PCSK2: variants seen among roughly 807,000 people sequenced by gnomAD.
PCSK2 encodes proprotein convertase subtilisin/kexin type 2.
Under a neutral mutation model 69.7 loss-of-function variants are expected in PCSK2, and 14 were observed. The ratio of observed to expected loss-of-function variants is 0.20; its 90% CI spans 0.13 to 0.31. The LOEUF (loss-of-function observed/expected upper bound fraction) is 0.31. PCSK2 is among the 10% of genes least tolerant of loss of function. The pLI is 1.00. For synonymous variants in PCSK2, 307 were observed against 320.7 expected, an observed-to-expected ratio of 0.96 and a Z score of 0.46; for missense variants, 544 against 842.5, an observed-to-expected ratio of 0.65 and a Z score of 4.39.
intron 11 of PCSK2, among the ~76,000 whole-genome samples, chr20:17,473,927 CG>C (rs2033247311): frequency 6.6e-6 from 1 of 152,140 alleles, no homozygotes; most frequent in Non-Finnish European, 1.5e-5. Flanking sequence ...AGGGCAGGAT[CG>C]GGGCGTTTTT....
chr20:17,268,096 A>C (rs1987704715), intron 2 of PCSK2, among the ~76,000 whole-genome samples: 1 of 143,856 alleles, frequency 7.0e-6, no homozygotes, highest in African/African-American at 2.5e-5. Flanking sequence ...ATATCTTCTA[A>C]AAATGATTAT....
At chr20:17,234,767 A>C (rs1161630440) in intron 1 of PCSK2, among the ~76,000 whole-genome samples, 1 of 152,216 alleles carries the variant, frequency 6.6e-6, no homozygotes, top group Non-Finnish European at 1.5e-5. Context: ...GTGATGCTAT[A>C]GTTAGGTTCA....
intron 2 of PCSK2, among the ~76,000 whole-genome samples, chr20:17,345,260 C>T (rs1002772246): frequency 2.6e-5 from 4 of 152,182 alleles, no homozygotes; most frequent in East Asian, 1.9e-4. Context: ...TCCACTCTGA[C>T]GATGAAATGA....
intron 5 of PCSK2, 27 bp downstream of exon 5, chr20:17,369,304 A>G: frequency 6.3e-7 from 1 of 1,598,418 alleles, no homozygotes; most frequent in Non-Finnish European, 8.6e-7. Flanking sequence ...TTTGGTGGGG[A>G]AACAGATGCA....
intron 6 of PCSK2, among the ~76,000 whole-genome samples, chr20:17,411,921 GC>G (rs764829661): frequency 6.6e-6 from 1 of 152,092 alleles, no homozygotes; most frequent in Non-Finnish European, 1.5e-5. Flanking sequence ...GCCTCCAACA[GC>G]CTGCAGCTGA....
intron 11 of PCSK2, among the ~76,000 whole-genome samples, chr20:17,478,933 A>G (rs555767198): frequency 3.3e-5 from 5 of 152,240 alleles, no homozygotes; most frequent in Non-Finnish European, 7.3e-5. Context: ...GCCAATTGCT[A>G]TGATATTGCT....
chr20:17,439,035 A>G (rs1353098641), intron 8 of PCSK2, among the ~76,000 whole-genome samples: 2 of 152,166 alleles, frequency 1.3e-5, no homozygotes, highest in Non-Finnish European at 2.9e-5. Context: ...CACTGCCTCA[A>G]AATTTACCCC....
At chr20:17,265,336 A>G (rs1987556451) in intron 2 of PCSK2, among the ~76,000 whole-genome samples, 2 of 152,196 alleles carry the variant, frequency 1.3e-5, no homozygotes, top group Non-Finnish European at 2.9e-5. Context: ...TAAGGGATTT[A>G]TACCCAAAGA....
chr20:17,256,188 C>A (rs1313159629), intron 1 of PCSK2, among the ~76,000 whole-genome samples: 2 of 152,034 alleles, frequency 1.3e-5, no homozygotes, highest in African/African-American at 4.8e-5. Context: ...CTTTTTAGCT[C>A]CAGAATTTCT....
At chr20:17,271,203 C>T (rs1987853322) in intron 2 of PCSK2, among the ~76,000 whole-genome samples, 1 of 151,590 alleles carries the variant, frequency 6.6e-6, no homozygotes, top group Non-Finnish European at 1.5e-5. Flanking sequence ...ATTTCAAATC[C>T]TGTACTGTTC....
In PCSK2 at chr20:17,483,822, C is replaced by A. The variant is rs565274131; in HGVS notation, c.*1752C>A. 1 of 152,596 alleles carries A rather than the reference C, an allele frequency of 6.6e-6. No individual in the cohort carries two copies. The highest frequency in any genetic ancestry group is 1.9e-4 in the East Asian group (1 of 5,184). The allele number at this position is 152,596 out of a possible 1,614,324, so 9.5% of individuals were successfully genotyped here. The stretch of plus-strand genomic sequence containing the variant: ...TCAAGAAAAAATAAATGGAAATCAT[C>A]GAAAATTCATTTCACATTAATGGTC... On this transcript the variant is annotated 3_prime_UTR_variant, in exon 12 of 12. Transcript: ENST00000262545.
At chr20:17,392,481 A>G (rs1424066531) in intron 5 of PCSK2, among the ~76,000 whole-genome samples, 1 of 152,228 alleles carries the variant, frequency 6.6e-6, no homozygotes, top group African/African-American at 2.4e-5. Context: ...TTTTATTTAC[A>G]GGAAGTACAA....
rs1720482025 is a variant in PCSK2, at chr20:17,298,588, A to AT, written c.282+38245dup. Among the ~76,000 whole-genome samples the AT allele has an allele frequency of 2.0e-5, 3 of 152,224 alleles. 1 individual carries two copies. The South Asian group carries it at 6.2e-4, about 32-fold the overall frequency. On this transcript the variant is annotated intron_variant, in intron 2 of 11. Transcript: ENST00000262545. ...TGGCTCTTATGATAATTGTAAGTTAATATTACTCATTGTATTTAAATTATT... is the reference window on the plus strand; with the variant it reads ...TGGCTCTTATGATAATTGTAAGTTAATTATTACTCATTGTATTTAAATTATT...
At chr20:17,229,622 C>A (rs1413861029) in intron 1 of PCSK2, among the ~76,000 whole-genome samples, 2 of 151,914 alleles carry the variant, frequency 1.3e-5, no homozygotes, top group Non-Finnish European at 2.9e-5. Context: ...ACCTGCAGTT[C>A]CCATCTGAGA....
At chr20:17,257,099 G>A (rs1239771477) in intron 1 of PCSK2, among the ~76,000 whole-genome samples, 2 of 152,010 alleles carry the variant, frequency 1.3e-5, no homozygotes, top group African/African-American at 4.8e-5. Flanking sequence ...AACCCATCAA[G>A]GAGTGGGCAA....
intron 2 of PCSK2, among the ~76,000 whole-genome samples, chr20:17,314,690 A>G (rs1989624043): frequency 6.6e-6 from 1 of 152,222 alleles, no homozygotes; most frequent in South Asian, 2.1e-4. Flanking sequence ...GATTTTTAAA[A>G]TTACATCTCT....
At chr20:17,278,688 T>C (rs931713897) in intron 2 of PCSK2, among the ~76,000 whole-genome samples, 1 of 152,088 alleles carries the variant, frequency 6.6e-6, no homozygotes, top group Non-Finnish European at 1.5e-5. Flanking sequence ...AGCTGCACGC[T>C]ATGCACATGT....
chr20:17,342,465 T>C (rs1017197110), intron 2 of PCSK2, among the ~76,000 whole-genome samples: 5 of 151,868 alleles, frequency 3.3e-5, no homozygotes, highest in African/African-American at 1.2e-4. Flanking sequence ...ACTACAGGCA[T>C]GTATCAACAT....
intron 2 of PCSK2, among the ~76,000 whole-genome samples, chr20:17,350,363 T>G (rs1043854265): frequency 6.6e-6 from 1 of 151,674 alleles, no homozygotes; most frequent in African/African-American, 2.4e-5. Context: ...ATGTTAGTTT[T>G]GTGTTTTATG....
Sources: allele counts gnomAD v4.1 joint callset (sites outside exome capture counted in the v4.1 genomes callset), GRCh38; gene constraint gnomAD v4.1.1; transcripts MANE v1.5; gene names NCBI Gene and HGNC (gene_info 2026-07-23, HGNC 2026-07-21).